The following AOC1 variants were observed in gnomAD, a reference collection of about 807,000 sequenced individuals.
The protein encoded by AOC1 is diamine oxidase [copper-containing].
AOC1 carries 58 observed loss-of-function variants against 57.1 expected under a neutral mutation model. That is an observed-to-expected ratio of 1.02 (90% CI 0.82 to 1.26). AOC1 has a LOEUF of 1.26. Among genes scored for constraint, AOC1 ranks in the 50% most tolerant of loss-of-function variants. The pLI is 0.00. For synonymous variants in AOC1, 401 were observed against 423.4 expected, an observed-to-expected ratio of 0.95 and a Z score of 0.65; for missense variants, 917 against 1,005.3, an observed-to-expected ratio of 0.91 and a Z score of 1.19.
upstream of AOC1, chr7:150,852,274 G>C (rs112993466): frequency 2.0e-5 from 3 of 152,216 alleles, no homozygotes; most frequent in Non-Finnish European, 4.4e-5. This position sits in a 1 kb window ranked among gnomAD's most constrained non-coding sequence, Gnocchi z 4.6. Context: ...TCGTGGCATT[G>C]CATGGCTCGT....
chr7:150,860,708 C>A, intron 4 of AOC1, 75 bp downstream of exon 4: 1 of 1,538,662 alleles, frequency 6.5e-7, no homozygotes, highest in Non-Finnish European at 8.9e-7. Context: ...ATCCTCATCA[C>A]CATCAGGGAG....
At position 150,857,394 on chromosome 7, in the gene AOC1, T is replaced by G; in HGVS notation, c.924T>G (p.Pro308=). The G allele has an allele frequency of 6.2e-7, 1 of 1,610,352 alleles. No homozygotes were observed. ...CCCGCTTGGTCCAGCCCCACGGCCC[T>G]CGCTTCAGGCTGGAGGGCAACGCTG... ...SGPRLVQPHG[P]RFRLEGNAVL... is the part of the protein sequence containing the mutation. The change falls in exon 2 of 5, where the codon CCT becomes CCG. Residue 308 remains proline, a synonymous_variant. Transcript: ENST00000360937. This position sits in a 1 kb window ranked among gnomAD's most constrained non-coding sequence, Gnocchi z 6.6.
In AOC1 at chr7:150,858,041, G is replaced by C; in HGVS notation, c.1570+1G>C. On this transcript the variant is annotated splice_donor_variant, in intron 2 of 4. Transcript: ENST00000360937. LOFTEE classifies it high-confidence loss of function. ...TACCGCGTAGACCTGGATGTGGCAGGTAGGACTCAAAGCGAGACTCTCCCG... is the reference window on the plus strand; with the variant it reads ...TACCGCGTAGACCTGGATGTGGCAGCTAGGACTCAAAGCGAGACTCTCCCG... The C allele has an allele frequency of 1.3e-6, 2 of 1,508,978 alleles. No homozygotes were observed. Among genetic ancestry groups the C allele is most frequent in the Non-Finnish European group, 1.8e-6 (2 of 1,134,634 alleles). The allele number at this position is 1,508,978 out of a possible 1,614,324, so 93.5% of individuals were successfully genotyped here. A position where few individuals can be genotyped will look rare whatever the true frequency, so the allele number is the denominator to read the frequency against.
At position 150,859,378 on chromosome 7, in the gene AOC1, A is replaced by C. The variant is rs143681833; in HGVS notation, c.1856+330A>C. ...TGTGTGTCAGATACTGTGTTCTTACAATAAAGTAAGCTAGAGAAAAGAAAA... is the reference window on the plus strand; with the variant it reads ...TGTGTGTCAGATACTGTGTTCTTACCATAAAGTAAGCTAGAGAAAAGAAAA... On this transcript the variant is annotated intron_variant, in intron 3 of 4. Transcript: ENST00000360937. Among the ~76,000 whole-genome samples the C allele has an allele frequency of 4.7e-4, 71 of 152,264 alleles. No homozygotes were observed. In the Middle Eastern group the frequency reaches 0.024, roughly 51 times the overall value.
Position 150,861,291 on chromosome 7 carries a change from C to T in AOC1, c.*82C>T. On this transcript the variant is annotated 3_prime_UTR_variant, in exon 5 of 5. Transcript: ENST00000360937. This position sits in a 1 kb window ranked among gnomAD's most constrained non-coding sequence, Gnocchi z 4.5. ...CAGACAATAAACCCTCAGAGCCTCG[C>T]TCTGTGTGCTGCTTCTTGCGGGGAG... 1 of 1,435,336 alleles carries T rather than the reference C, an allele frequency of 7.0e-7. No homozygotes were observed. The highest frequency in any genetic ancestry group is 2.6e-5 in the Admixed American group (1 of 38,304). 88.9% of individuals were successfully genotyped at this position (1,435,336 alleles called of 1,614,324 possible).
chr7:150,858,165 T>C, intron 2 of AOC1, 125 bp downstream of exon 2: 2 of 1,305,980 alleles, frequency 1.5e-6, no homozygotes, highest in Non-Finnish European at 2.1e-6. Context: ...AGCCTGCTTC[T>C]GTAAAACCTA....
Position 150,857,357 on chromosome 7 carries a change from A to T in AOC1, c.887A>T (p.His296Leu), listed in dbSNP as rs1192760469. The T allele has an allele frequency of 1.9e-6, 3 of 1,606,336 alleles. No homozygotes were observed. The Admixed American group carries it at 5.0e-5, about 27-fold the overall frequency. The change falls in exon 2 of 5, where the codon CAT (histidine) becomes CTT (leucine). Residue 296 changes from histidine to leucine, a missense_variant. Transcript: ENST00000360937. The surrounding 1 kb of genome is among the most constrained non-coding windows in gnomAD (Gnocchi z 6.6). ...CGCGGGGACTTCCCCAGCCCCATCC[A>T]TGTGAGCGGCCCCCGCTTGGTCCAG... Reference protein sequence around the residue: ...KPRGDFPSPIHVSGPRLVQPH... With the variant: ...KPRGDFPSPILVSGPRLVQPH...
At chr7:150,853,555 TAA>T (rs888990692) in intron 1 of AOC1, among the ~76,000 whole-genome samples, 30 of 149,288 alleles carry the variant, frequency 2.0e-4, no homozygotes, top group African/African-American at 6.9e-4. Context: ...AAAAGTCTAT[TAA>T]AAAAAAAGTC....
Position 150,857,881 on chromosome 7 carries a change from C to T in AOC1, c.1411C>T (p.Pro471Ser). Residue 471 changes from proline to serine, a missense_variant, in exon 2 of 5, where the codon CCC becomes TCC. Transcript: ENST00000360937. This position sits in a 1 kb window ranked among gnomAD's most constrained non-coding sequence, Gnocchi z 6.6. ...TTACATTTGGGACTTTATCTTCTAC[C>T]CCAACGGGGTGATGGAGGCCAAGAT... The part of the protein sequence containing the change: ...YDYIWDFIFY[P>S]NGVMEAKMHA... 6 of 1,613,700 alleles carry T rather than the reference C, an allele frequency of 3.7e-6. No individual in the cohort carries two copies. The highest frequency in any genetic ancestry group is 4.2e-6 in the Non-Finnish European group (5 of 1,179,708).
Position 150,857,966 on chromosome 7 carries a change from C to A in AOC1, c.1496C>A (p.Thr499Asn). The change falls in exon 2 of 5, where the codon ACT becomes AAT. Residue 499 changes from threonine (T) to asparagine (N), a missense_variant. Transcript: ENST00000360937. This position sits in a 1 kb window ranked among gnomAD's most constrained non-coding sequence, Gnocchi z 6.6. ...FYTPEGLRHG[T>N]RLHTHLIGNI... ...ACCCCCGAGGGGCTGCGCCACGGCA[C>A]TCGCCTGCACACCCACCTGATTGGC... 1 of 1,596,982 alleles carries A rather than the reference C, an allele frequency of 6.3e-7. No homozygotes were observed. The highest frequency in any genetic ancestry group is 1.1e-5 in the South Asian group (1 of 89,244).
At position 150,857,845 on chromosome 7, in the gene AOC1, T is replaced by C. The variant is rs1213611949; in HGVS notation, c.1375T>C (p.Tyr459His). 2 of 1,614,008 alleles carry C rather than the reference T, an allele frequency of 1.2e-6. No individual in the cohort carries two copies. The highest frequency in any genetic ancestry group is 1.7e-6 in the Non-Finnish European group (2 of 1,179,860). ...VLVLRTTSTVYNYDYIWDFIF... is the reference protein window; with the variant it reads ...VLVLRTTSTVHNYDYIWDFIF... ...GGTGCTGCGGACAACTTCAACTGTC[T>C]ACAATTATGATTACATTTGGGACTT... The change falls in exon 2 of 5, where the codon TAC becomes CAC. Residue 459 changes from tyrosine to histidine, a missense_variant. Tyr to His is a moderately conservative substitution (Grantham distance 83). Coordinates refer to ENST00000360937, the MANE Select transcript of AOC1 (RefSeq NM_001091.4). The surrounding 1 kb of genome is among the most constrained non-coding windows in gnomAD (Gnocchi z 6.6).
chr7:150,854,522 C>T (rs554101776), intron 1 of AOC1, among the ~76,000 whole-genome samples: 119 of 152,218 alleles, frequency 7.8e-4, no homozygotes, highest in South Asian at 1.9e-3. Flanking sequence ...CAGCATTCCT[C>T]GGCAGTGCGG....
intron 1 of AOC1, among the ~76,000 whole-genome samples, chr7:150,853,688 TA>T (rs1554412892): frequency 0.012 from 414 of 34,532 alleles, 7 homozygotes; most frequent in African/African-American, 0.049. Context: ...TATATATATA[TA>T]TATATATATT....
In AOC1 at chr7:150,856,384, T is replaced by C. The variant is rs904053290; in HGVS notation, c.-16-71T>C. The C allele has an allele frequency of 2.1e-5, 32 of 1,489,796 alleles. No homozygotes were observed. In the African/African-American group the frequency reaches 2.8e-4, roughly 13 times the overall value. The allele number at this position is 1,489,796 out of a possible 1,614,324, so 92.3% of individuals were successfully genotyped here. A position where few individuals can be genotyped will look rare whatever the true frequency, so the allele number is the denominator to read the frequency against. ...AAGCTCAGTCCATGGGAAAATTCCATGGCCCTAACCTGAGGGAAGCCCATC... is the reference window on the plus strand; with the variant it reads ...AAGCTCAGTCCATGGGAAAATTCCACGGCCCTAACCTGAGGGAAGCCCATC... On this transcript the variant is annotated intron_variant, in intron 1 of 4. Coordinates refer to ENST00000360937, the MANE Select transcript of AOC1 (RefSeq NM_001091.4). The surrounding 1 kb of genome is among the most constrained non-coding windows in gnomAD (Gnocchi z 5.2).
chr7:150,857,618 A>G lies in AOC1; in HGVS notation c.1148A>G (p.His383Arg), dbSNP rs573540361. The change falls in exon 2 of 5, where the codon CAT (histidine) becomes CGT (arginine). Residue 383 changes from histidine to arginine, a missense_variant. Coordinates refer to ENST00000360937, the MANE Select transcript of AOC1 (RefSeq NM_001091.4). The surrounding 1 kb of genome is among the most constrained non-coding windows in gnomAD (Gnocchi z 6.6). ...GGCTGGGGCCTGGGCAGCGTCACTC[A>G]TGAGTTAGCCCCCGGCATCGACTGC... ...DVGWGLGSVT[H>R]ELAPGIDCPE... is the part of the protein sequence containing the mutation. 1 of 1,613,980 alleles carries G rather than the reference A, an allele frequency of 6.2e-7. No individual in the cohort carries two copies. The highest frequency in any genetic ancestry group is 2.2e-5 in the East Asian group (1 of 44,878).
chr7:150,861,290 GCT>G lies in AOC1; in HGVS notation c.*84_*85del. ...GCAGACAATAAACCCTCAGAGCCTC[GCT>G]CTGTGTGCTGCTTCTTGCGGGGAGG... On this transcript the variant is annotated 3_prime_UTR_variant, in exon 5 of 5. Coordinates refer to ENST00000360937, the MANE Select transcript of AOC1 (RefSeq NM_001091.4). This position sits in a 1 kb window ranked among gnomAD's most constrained non-coding sequence, Gnocchi z 4.5. 7.0e-7 allele frequency: 1 copy of G among 1,434,962 alleles called. No homozygotes were observed. The highest frequency in any genetic ancestry group is 9.3e-7 in the Non-Finnish European group (1 of 1,075,192). 88.9% of individuals were successfully genotyped at this position (1,434,962 alleles called of 1,614,324 possible). A position where few individuals can be genotyped will look rare whatever the true frequency, so the allele number is the denominator to read the frequency against.
Position 150,857,099 on chromosome 7 carries a change from ACTTTCTGCACC to A in AOC1, c.631_641del (p.Phe211HisfsTer60). ...ATCATACAGCGCTATGTAGAAGGCT[ACTTTCTGCACC>A]CCACTGGGCTGGAGCTCCTCGTGGA... On this transcript the variant is annotated frameshift_variant, in exon 2 of 5. Transcript: ENST00000360937. LOFTEE classifies it high-confidence loss of function. This position sits in a 1 kb window ranked among gnomAD's most constrained non-coding sequence, Gnocchi z 6.6. 1 of 1,614,010 alleles carries A rather than the reference ACTTTCTGCACC, an allele frequency of 6.2e-7. No homozygotes were observed.
rs1799663638 is a variant in AOC1 at position 150,852,955 on chromosome 7, A to G, written c.-17+397A>G. On this transcript the variant is annotated intron_variant, in intron 1 of 4. Transcript: ENST00000360937. The surrounding 1 kb of genome is among the most constrained non-coding windows in gnomAD (Gnocchi z 4.6). ...ACGTGGGTATAAGAGGTTGTAAAAA[A>G]GGAGACCCAGCCGTGAAAGGACATG... is the stretch of plus-strand genomic sequence containing the variant. 6.6e-6 allele frequency among the ~76,000 whole-genome samples: 1 copy of G among 152,216 alleles called. No individual in the cohort carries two copies. The highest frequency in any genetic ancestry group is 1.5e-5 in the Non-Finnish European group (1 of 68,052).
chr7:150,857,761 T>G lies in AOC1; in HGVS notation c.1291T>G (p.Phe431Val), dbSNP rs878962370. The G allele has an allele frequency of 6.2e-7, 1 of 1,614,226 alleles. No homozygotes were observed. Among genetic ancestry groups the G allele is most frequent in the Non-Finnish European group, 8.5e-7 (1 of 1,180,008 alleles). Residue 431 changes from phenylalanine to valine, a missense_variant, in exon 2 of 5, where the codon TTT (phenylalanine) becomes GTT (valine). Physicochemically the swap from Phe to Val is conservative, Grantham distance 50. Transcript: ENST00000360937. The surrounding 1 kb of genome is among the most constrained non-coding windows in gnomAD (Gnocchi z 6.6). ...MPTGVPLRRH[F>V]NSNFKGGFNF... The stretch of plus-strand genomic sequence containing the variant: ...CACAGGGGTGCCCCTTCGGCGGCAC[T>G]TTAATTCCAACTTTAAAGGTGGCTT...
Sources: gnomAD v4.1 joint callset for allele counts (sites outside exome capture counted in the v4.1 genomes callset) on GRCh38, gnomAD v4.1.1 for gene constraint, Gnocchi (gnomAD v3.1) non-coding constraint, MANE v1.5 for transcripts, NCBI Gene and HGNC (gene_info 2026-07-23, HGNC 2026-07-21) for gene names.